LRP2: variants seen among roughly 807,000 people sequenced by gnomAD.
LRP2 encodes the protein LDL receptor related protein 2.
Under a neutral mutation model 531.0 loss-of-function variants are expected in LRP2, and 172 were observed. The observed-to-expected ratio is 0.32, with a 90% CI of 0.29 to 0.37. The LOEUF is 0.37. LRP2 is among the 10% of genes least tolerant of loss of function. The pLI is 1.00. For synonymous variants in LRP2, 1,992 were observed against 2,027.6 expected, an observed-to-expected ratio of 0.98 and a Z score of 0.47; for missense variants, 5,167 against 5,868.3, an observed-to-expected ratio of 0.88 and a Z score of 3.90.
At chr2:169,192,527 T>C (rs1420324721) in intron 47 of LRP2, among the ~76,000 whole-genome samples, 1 of 152,134 alleles carries the variant, frequency 6.6e-6, no homozygotes, top group Non-Finnish European at 1.5e-5. Context: ...GCTTCAAACC[T>C]AGGTCTTTCT....
chr2:169,202,232 C>A (rs933869308), intron 43 of LRP2, among the ~76,000 whole-genome samples: 2 of 152,158 alleles, frequency 1.3e-5, no homozygotes, highest in African/African-American at 2.4e-5. Context: ...AGGTAACCAA[C>A]CTCAGAACTC....
At chr2:169,143,896 GAC>G (rs1685816758) in intron 70 of LRP2, among the ~76,000 whole-genome samples, 1 of 152,140 alleles carries the variant, frequency 6.6e-6, no homozygotes, top group African/African-American at 2.4e-5. Flanking sequence ...TGTAACCACA[GAC>G]AAAGCATAGC....
At chr2:169,362,065 C>T (rs1278353516) in intron 1 of LRP2, among the ~76,000 whole-genome samples, 1 of 152,250 alleles carries the variant, frequency 6.6e-6, no homozygotes, top group African/African-American at 2.4e-5. Context: ...GACAGGGTCT[C>T]CGTGGGGTGC....
chr2:169,350,168 G>A (rs1360819721), intron 1 of LRP2, among the ~76,000 whole-genome samples: 1 of 152,156 alleles, frequency 6.6e-6, no homozygotes, highest in Non-Finnish European at 1.5e-5. Flanking sequence ...GTCAAAGTAG[G>A]ATACAGTTTG....
At chr2:169,201,899 C>A in intron 43 of LRP2, 29 bp from the exon 44 acceptor site, 12 of 1,613,406 alleles carry the variant, frequency 7.4e-6, no homozygotes, top group South Asian at 3.3e-5. Flanking sequence ...TGAGAACAAA[C>A]CCTCTTGATT....
At chr2:169,317,394 T>G (rs1464804675) in intron 3 of LRP2, among the ~76,000 whole-genome samples, 1 of 152,188 alleles carries the variant, frequency 6.6e-6, no homozygotes, top group Non-Finnish European at 1.5e-5. Context: ...ATTAAGAACC[T>G]CCTCTCTGCC....
chr2:169,241,353 G>A lies in LRP2; in HGVS notation c.3680C>T (p.Pro1227Leu). The A allele has an allele frequency of 6.2e-7, 1 of 1,614,138 alleles. No individual in the cohort carries two copies. The highest frequency in any genetic ancestry group is 8.5e-7 in the Non-Finnish European group (1 of 1,180,034). The change falls in exon 25 of 79, where the codon CCT becomes CTT. Residue 1227 changes from proline (P) to leucine (L), a missense_variant. Around this residue, in one of 6 missense-constraint regions of LRP2, gnomAD observed 2,811 missense variants for 3,058.0 expected, o/e 0.92. Transcript: ENST00000649046. ...AAATTCATCTGAGTGGCACATACCA[G>A]GAGGCCTGGTTGCTAGAAGGAAAAC... is the stretch of plus-strand genomic sequence containing the variant. ...SDEAGCPTRP[P>L]GMCHSDEFQC...
At chr2:169,284,268 T>C (rs1258947739) in intron 9 of LRP2, among the ~76,000 whole-genome samples, 2 of 128,388 alleles carry the variant, frequency 1.6e-5, no homozygotes, top group South Asian at 2.8e-4. Flanking sequence ...TTTTTTTTTT[T>C]TTTTTTTTTT....
chr2:169,279,513 T>C lies in LRP2; in HGVS notation c.1424A>G (p.Asp475Gly). 1 of 1,613,852 alleles carries C rather than the reference T, an allele frequency of 6.2e-7. No homozygotes were observed. The highest frequency in any genetic ancestry group is 8.5e-7 in the Non-Finnish European group (1 of 1,179,790). ...SVETPENLAV[D>G]WVNNKIYLVE... ...TAGATAGATTTTATTATTAACCCAG[T>C]CCACAGCCAGGTTCTCTGGGGTTTC... Residue 475 changes from aspartate to glycine, a missense_variant, in exon 12 of 79, where the codon GAC (aspartate) becomes GGC (glycine). Around this residue, in one of 6 missense-constraint regions of LRP2, gnomAD observed 2,811 missense variants for 3,058.0 expected, o/e 0.92. Transcript: ENST00000649046.
chr2:169,342,986 C>T (rs1685605934), intron 1 of LRP2, among the ~76,000 whole-genome samples: 1 of 152,120 alleles, frequency 6.6e-6, no homozygotes, highest in Non-Finnish European at 1.5e-5. Context: ...TGTCTAAAAC[C>T]TCTCACAAAA....
chr2:169,216,085 G>C (rs1023164347), intron 35 of LRP2, among the ~76,000 whole-genome samples, 168 bp downstream of exon 35: 3 of 152,024 alleles, frequency 2.0e-5, no homozygotes, highest in African/African-American at 7.3e-5. Flanking sequence ...TTCAGCTAGG[G>C]GCGAGGTACG....
chr2:169,346,947 C>T (rs930153817), intron 1 of LRP2, among the ~76,000 whole-genome samples: 3 of 152,104 alleles, frequency 2.0e-5, no homozygotes. Flanking sequence ...TGAGGCCTTC[C>T]TAATAGATCA....
At chr2:169,356,921 C>T (rs1395235985) in intron 1 of LRP2, among the ~76,000 whole-genome samples, 2 of 152,134 alleles carry the variant, frequency 1.3e-5, no homozygotes, top group Admixed American at 1.3e-4. Flanking sequence ...TATGTAGACA[C>T]CTCTTTTCAG....
chr2:169,132,267 C>T (rs999641593), intron 77 of LRP2, among the ~76,000 whole-genome samples: 1 of 152,140 alleles, frequency 6.6e-6, no homozygotes, highest in Non-Finnish European at 1.5e-5. Flanking sequence ...CATACTGAGT[C>T]AATTTCTCAA....
At chr2:169,157,348 G>A (rs1272152490) in intron 64 of LRP2, 23 bp downstream of exon 64, 8 of 1,611,850 alleles carry the variant, frequency 5.0e-6, no homozygotes, top group Non-Finnish European at 6.8e-6. Flanking sequence ...ACCTAAACAG[G>A]AATTGGAAAA....
chr2:169,149,533 A>G (rs1466491842), intron 68 of LRP2, among the ~76,000 whole-genome samples: 1 of 152,154 alleles, frequency 6.6e-6, no homozygotes, highest in Non-Finnish European at 1.5e-5. Flanking sequence ...AAGGAATTAC[A>G]AAGACTAAAA....
chr2:169,294,717 TAAAAAAAAA>T lies in LRP2; in HGVS notation c.428-16_428-8del, dbSNP rs370823033. The T allele has an allele frequency of 1.4e-4, 101 of 742,416 alleles. No individual in the cohort carries two copies. Among genetic ancestry groups the T allele is most frequent in the Middle Eastern group, 3.9e-4 (1 of 2,588 alleles). 46.0% of individuals were successfully genotyped at this position (742,416 alleles called of 1,614,324 possible). A position where few individuals can be genotyped will look rare whatever the true frequency, so the allele number is the denominator to read the frequency against. ...TGCTCACATGTTGGGTACTCTATTG[TAAAAAAAAA>T]AAAAAAAAAAAAAAGGAAAAGGAAA... On this transcript the variant is annotated splice_polypyrimidine_tract_variant and splice_region_variant and intron_variant, in intron 4 of 78. Coordinates refer to ENST00000649046, the MANE Select transcript of LRP2 (RefSeq NM_004525.3).
rs1205180486 is a variant in LRP2, at chr2:169,128,677, CTTCTT to C, written c.13949_13953del (p.Lys4650ArgfsTer3). On this transcript the variant is annotated frameshift_variant, in exon 79 of 79. Transcript: ENST00000649046. LOFTEE classifies it high-confidence loss of function. The stretch of plus-strand genomic sequence containing the variant: ...AGCTGGTATAGCTATACTTCAGAGT[CTTCTT>C]TAACAAGATTTGCGGTGTCTTTAAA... 6.2e-7 allele frequency: 1 copy of C among 1,613,982 alleles called. No individual in the cohort carries two copies. Among genetic ancestry groups the C allele is most frequent in the Non-Finnish European group, 8.5e-7 (1 of 1,179,978 alleles).
At chr2:169,226,040 G>C (rs907319753) in intron 32 of LRP2, among the ~76,000 whole-genome samples, 1 of 152,208 alleles carries the variant, frequency 6.6e-6, no homozygotes, top group African/African-American at 2.4e-5. Context: ...TTTTATATTC[G>C]TCGAATATTT....
Sources: allele counts gnomAD v4.1 joint callset (sites outside exome capture counted in the v4.1 genomes callset), GRCh38; gene constraint gnomAD v4.1.1; regional missense constraint gnomAD v4.1.1; transcripts MANE v1.5; gene names NCBI Gene and HGNC (gene_info 2026-07-23, HGNC 2026-07-21).